MKKS: variants seen among roughly 807,000 people sequenced by gnomAD.
MKKS encodes molecular chaperone MKKS.
A neutral mutation model predicts 33.2 loss-of-function variants in MKKS; 29 were observed. The observed-to-expected ratio is 0.87, with a 90% CI of 0.65 to 1.19. The LOEUF is 1.19. Ranked by LOEUF, MKKS falls within the 50% of genes most tolerant of loss-of-function variation. The pLI is 0.00. For synonymous variants in MKKS, 260 were observed against 244.0 expected (o/e 1.07, Z -0.61); for missense variants, 661 against 662.3 (o/e 1.00, Z 0.02).
At chr20:10,427,202 C>G (rs1296168121) in intron 1 of MKKS, among the ~76,000 whole-genome samples, 1 of 152,122 alleles carries the variant, frequency 6.6e-6, no homozygotes, top group Non-Finnish European at 1.5e-5. Context: ...TTTTTAATTG[C>G]TTCCTGCAAA....
At chr20:10,423,488 T>C (rs550357918) in intron 1 of MKKS, among the ~76,000 whole-genome samples, 43 of 152,288 alleles carry the variant, frequency 2.8e-4, no homozygotes, top group African/African-American at 9.9e-4. Flanking sequence ...AATTGAGATT[T>C]GTAACTCAAG....
rs1024516661 is a variant in MKKS, at chr20:10,402,597, C to T, written c.*2650G>A. ...ATGATAGAATTTAAAAAGTGGCTAT[C>T]GTGAAAAGTAGAAGCCCCTAATCTA... is the stretch of plus-strand genomic sequence containing the variant. On this transcript the variant is annotated 3_prime_UTR_variant, in exon 6 of 6. Coordinates refer to ENST00000347364, the MANE Select transcript of MKKS (RefSeq NM_170784.3). 4 of 152,092 alleles carry T rather than the reference C, an allele frequency of 2.6e-5. No individual in the cohort carries two copies. The highest frequency in any genetic ancestry group is 1.9e-4 in the East Asian group (1 of 5,186). The allele number at this position is 152,092 out of a possible 1,614,324, so 9.4% of individuals were successfully genotyped here. A position where few individuals can be genotyped will look rare whatever the true frequency, so the allele number is the denominator to read the frequency against.
At chr20:10,416,726 T>G (rs2064941573) in intron 2 of MKKS, among the ~76,000 whole-genome samples, 3 of 152,202 alleles carry the variant, frequency 2.0e-5, no homozygotes, top group African/African-American at 7.2e-5. Flanking sequence ...TGATAGAATT[T>G]GAGCAGCATC....
intron 2 of MKKS, among the ~76,000 whole-genome samples, 160 bp downstream of exon 2, chr20:10,420,368 T>C (rs971097356): frequency 1.3e-5 from 2 of 152,152 alleles, no homozygotes; most frequent in African/African-American, 4.8e-5. Context: ...AACGAACTTT[T>C]CTAGAAACAA....
rs114070048 is a variant in MKKS at position 10,429,433 on chromosome 20, T to C, written c.-649+4675A>G. 4.9e-3 allele frequency among the ~76,000 whole-genome samples: 750 copies of C among 152,314 alleles called. 6 individuals carry two copies. The highest frequency in any genetic ancestry group is 0.017 in the African/African-American group (702 of 41,566). Reference sequence around the variant, plus strand: ...AACTTCTATGATCATGCATCCACTCTGGCTCTCACACGTTCATCTCCAGCT... The same window carrying C: ...AACTTCTATGATCATGCATCCACTCCGGCTCTCACACGTTCATCTCCAGCT... On this transcript the variant is annotated intron_variant, in intron 1 of 5. Coordinates refer to ENST00000347364, the MANE Select transcript of MKKS (RefSeq NM_170784.3).
intron 1 of MKKS, among the ~76,000 whole-genome samples, chr20:10,432,680 A>G (rs2065061699): frequency 6.6e-6 from 1 of 150,988 alleles, no homozygotes; most frequent in Admixed American, 6.6e-5. Context: ...TGTAATCCCA[A>G]ACTTCTCCGG....
At chr20:10,427,029 G>C (rs974182912) in intron 1 of MKKS, among the ~76,000 whole-genome samples, 5 of 130,726 alleles carry the variant, frequency 3.8e-5, no homozygotes, top group African/African-American at 6.2e-5. Context: ...AGAAAACACT[G>C]ACACACACAC....
Position 10,405,511 on chromosome 20 carries a change from A to C in MKKS, c.1449T>G (p.Asp483Glu), listed in dbSNP as rs753898292. The stretch of plus-strand genomic sequence containing the variant: ...CTGGCCAGTTAGCAACACAGGGAGA[A>C]TCTGCCTGAACTGACCAAAGGTGTC... ...KYGHLWSVQA[D>E]SPCVANWPDL... Residue 483 changes from aspartate (D) to glutamate (E), a missense_variant, in exon 6 of 6, where the codon GAT (aspartate) becomes GAG (glutamate). Physicochemically the swap from Asp to Glu is conservative, Grantham distance 45 (BLOSUM62 2). Coordinates refer to ENST00000347364, the MANE Select transcript of MKKS (RefSeq NM_170784.3). 6.2e-7 allele frequency: 1 copy of C among 1,614,230 alleles called. No homozygotes were observed. Among genetic ancestry groups the C allele is most frequent in the Admixed American group, 1.7e-5 (1 of 60,020 alleles).
At chr20:10,416,949 C>A (rs1471763426) in intron 2 of MKKS, among the ~76,000 whole-genome samples, 1 of 152,006 alleles carries the variant, frequency 6.6e-6, no homozygotes, top group East Asian at 1.9e-4. Flanking sequence ...ATCTGCAAAG[C>A]CTAAAATATT....
chr20:10,409,553 C>G (rs1198043109), intron 3 of MKKS, among the ~76,000 whole-genome samples: 1 of 152,164 alleles, frequency 6.6e-6, no homozygotes. Context: ...CAAACTCCTA[C>G]AAGAAACAAT....
At chr20:10,420,203 A>C (rs2064969599) in intron 2 of MKKS, among the ~76,000 whole-genome samples, 1 of 152,190 alleles carries the variant, frequency 6.6e-6, no homozygotes. Context: ...ATAGAAGAAA[A>C]TAATCTTGTA....
intron 1 of MKKS, among the ~76,000 whole-genome samples, chr20:10,428,979 C>A (rs1407137273): frequency 6.6e-6 from 1 of 152,148 alleles, no homozygotes; most frequent in Admixed American, 6.5e-5. Flanking sequence ...TACCTCCAAC[C>A]TTCCACTCTT....
chr20:10,425,122 C>A (rs1487137328), intron 1 of MKKS, among the ~76,000 whole-genome samples: 1 of 150,422 alleles, frequency 6.6e-6, no homozygotes, highest in Admixed American at 6.6e-5. Flanking sequence ...TATAGTATAA[C>A]CTTACTTTTT....
chr20:10,406,602 T>C (rs2064845814), intron 5 of MKKS, among the ~76,000 whole-genome samples: 1 of 152,178 alleles, frequency 6.6e-6, no homozygotes, highest in South Asian at 2.1e-4. Flanking sequence ...AATGATGCAT[T>C]TCTCAGAATA....
Position 10,434,132 on chromosome 20 carries a change from C to CCAGGCCGCCACAGGCCGCCA in MKKS, c.-674_-673insTGGCGGCCTGTGGCGGCCTG, listed in dbSNP as rs16996729. 2.0e-5 allele frequency: 3 copies of CCAGGCCGCCACAGGCCGCCA among 152,708 alleles called. No individual in the cohort carries two copies. Among genetic ancestry groups the CCAGGCCGCCACAGGCCGCCA allele is most frequent in the Admixed American group, 2.0e-4 (3 of 15,302 alleles). 9.5% of individuals were successfully genotyped at this position (152,708 alleles called of 1,614,324 possible). Reference sequence around the variant, plus strand: ...CCTGCGCACCAGCCGTCGCGCCGCCCCAGGCCGCCACCGCCAGAGGCCCCA... The same window carrying CCAGGCCGCCACAGGCCGCCA: ...CCTGCGCACCAGCCGTCGCGCCGCCCCAGGCCGCCACAGGCCGCCACAGGCCGCCACCGCCAGAGGCCCCA... On this transcript the variant is annotated 5_prime_UTR_variant, in exon 1 of 6. Transcript: ENST00000347364.
In MKKS at chr20:10,413,913, T is replaced by C. The variant is rs1042353205; in HGVS notation, c.-399A>G. ...CTCTTCTTTCGATATGAAGCTCAGA[T>C]TCAAAGCTGCTTCTTTACCTAATAA... On this transcript the variant is annotated 5_prime_UTR_variant, in exon 3 of 6. Transcript: ENST00000347364. 2.6e-5 allele frequency: 11 copies of C among 416,266 alleles called. No individual in the cohort carries two copies. The highest frequency in any genetic ancestry group is 4.0e-5 in the Admixed American group (1 of 25,284). 25.8% of individuals were successfully genotyped at this position (416,266 alleles called of 1,614,324 possible).
At chr20:10,433,446 C>T (rs1306813412) in intron 1 of MKKS, among the ~76,000 whole-genome samples, 1 of 152,202 alleles carries the variant, frequency 6.6e-6, no homozygotes. Flanking sequence ...TATCTACTAA[C>T]TCGGCAGTGC....
Position 10,413,342 on chromosome 20 carries a change from G to A in MKKS, c.173C>T (p.Ser58Leu), listed in dbSNP as rs1239867583. 6.2e-7 allele frequency: 1 copy of A among 1,614,070 alleles called. No individual in the cohort carries two copies. The highest frequency in any genetic ancestry group is 1.7e-5 in the Admixed American group (1 of 60,010). The change falls in exon 3 of 6, where the codon TCA becomes TTA. Residue 58 changes from serine (S) to leucine (L), a missense_variant. Physicochemically the swap from Ser to Leu is moderately radical, Grantham distance 145. Coordinates refer to ENST00000347364, the MANE Select transcript of MKKS (RefSeq NM_170784.3). Reference protein sequence around the residue: ...NGFGGYVCTTSQSSALLSHLL... With the variant: ...NGFGGYVCTTLQSSALLSHLL... ...GTGACTGAGCAGAGCTGAGGACTGT[G>A]AGGTTGTACACACGTAACCTCCAAA...
At chr20:10,412,431 T>G in intron 3 of MKKS, 99 bp downstream of exon 3, 2 of 1,221,954 alleles carry the variant, frequency 1.6e-6, no homozygotes, top group East Asian at 4.7e-5. Context: ...GCTGGGTCAA[T>G]TTTTCAAGAT....
Sources: gnomAD v4.1 joint callset for allele counts (sites outside exome capture counted in the v4.1 genomes callset) on GRCh38, gnomAD v4.1.1 for gene constraint, MANE v1.5 for transcripts, NCBI Gene and HGNC (gene_info 2026-07-23, HGNC 2026-07-21) for gene names.